Variants in TSPEAR observed in about 807,000 individuals in gnomAD.
The protein encoded by TSPEAR is thrombospondin type laminin G domain and EAR repeats.
TSPEAR carries 69 observed loss-of-function variants against 71.6 expected under a neutral mutation model. That is an observed-to-expected ratio of 0.96 (90% confidence interval 0.79 to 1.18). The LOEUF is 1.18. Among genes scored for constraint, TSPEAR ranks in the 50% most tolerant of loss-of-function variants. TSPEAR has a pLI of 0.00. For missense variants in TSPEAR, 971 were observed against 894.9 expected (o/e 1.09, Z -1.09); for synonymous variants, 402 against 387.2 (o/e 1.04, Z -0.45).
chr21:44,648,557 T>TA (rs1259299793), intron 1 of TSPEAR, among the ~76,000 whole-genome samples: 22 of 151,818 alleles, frequency 1.4e-4, no homozygotes, highest in Non-Finnish European at 1.9e-4. Flanking sequence ...CACAAACAGT[T>TA]AAAAAAAGAG....
chr21:44,618,192 T>C (rs1387680560), intron 1 of TSPEAR, among the ~76,000 whole-genome samples: 4 of 152,148 alleles, frequency 2.6e-5, no homozygotes, highest in African/African-American at 9.7e-5. Flanking sequence ...CCCCATGCTG[T>C]TGTAGTGATA....
At chr21:44,653,857 C>T (rs955145942) in intron 1 of TSPEAR, among the ~76,000 whole-genome samples, 7 of 152,332 alleles carry the variant, frequency 4.6e-5, no homozygotes, top group East Asian at 3.9e-4. Flanking sequence ...GTTGAGAGGC[C>T]GCTCACCAGG....
intron 11 of TSPEAR, among the ~76,000 whole-genome samples, chr21:44,503,174 T>TG (rs2052081974): frequency 2.8e-5 from 1 of 35,312 alleles, no homozygotes; most frequent in Non-Finnish European, 5.5e-5. Flanking sequence ...AGCCCTTGGG[T>TG]GGAAGCCGGC....
chr21:44,555,334 A>T (rs2053507856), intron 2 of TSPEAR, among the ~76,000 whole-genome samples: 1 of 152,188 alleles, frequency 6.6e-6, no homozygotes, highest in South Asian at 2.1e-4. Flanking sequence ...CCCAGGTCCG[A>T]CGGCTGCCGG....
intron 1 of TSPEAR, chr21:44,702,257 A>G (rs1320243805): frequency 6.2e-7 from 1 of 1,605,488 alleles, no homozygotes; most frequent in Non-Finnish European, 8.5e-7. Context: ...CAGGTGGACG[A>G]CTGCCCGGAG....
intron 1 of TSPEAR, chr21:44,579,947 G>T: frequency 6.2e-7 from 1 of 1,614,140 alleles, no homozygotes; most frequent in Non-Finnish European, 8.5e-7. Context: ...GCAGGAGGTG[G>T]TGCAGCAAGC....
rs933577972 is a variant in TSPEAR at position 44,549,169 on chromosome 21, G to T, written c.304-15246C>A. On this transcript the variant is annotated intron_variant, in intron 2 of 11. Transcript: ENST00000323084. The stretch of plus-strand genomic sequence containing the variant: ...GATTGGCTAAACATTTAGGGGAAGG[G>T]GTCGTCTGCGGCGAGCTAGAGAGTC... Among the ~76,000 whole-genome samples the T allele has an allele frequency of 5.3e-5, 8 of 152,286 alleles. No individual in the cohort carries two copies. In the South Asian group the frequency reaches 1.7e-3, roughly 32 times the overall value.
At chr21:44,608,998 T>A (rs587668878) in intron 1 of TSPEAR, among the ~76,000 whole-genome samples, 1 of 152,258 alleles carries the variant, frequency 6.6e-6, no homozygotes, top group African/African-American at 2.4e-5. Context: ...AATGGACAAA[T>A]AACACGTTGT....
chr21:44,503,764 G>A (rs587600858), intron 11 of TSPEAR, among the ~76,000 whole-genome samples: 23 of 128,508 alleles, frequency 1.8e-4, no homozygotes, highest in African/African-American at 6.1e-4. Context: ...GTGAGCCCTC[G>A]GGGGGAAGCA....
chr21:44,512,724 C>T (rs1264763085), intron 9 of TSPEAR, among the ~76,000 whole-genome samples: 1 of 152,016 alleles, frequency 6.6e-6, no homozygotes, highest in Non-Finnish European at 1.5e-5. Context: ...CTTTGAGTTG[C>T]ATCTTGGTTG....
intron 1 of TSPEAR, among the ~76,000 whole-genome samples, chr21:44,652,000 T>C (rs901992351): frequency 2.5e-4 from 34 of 135,322 alleles, no homozygotes; most frequent in African/African-American, 9.3e-4. Context: ...TTTTTTTTTT[T>C]TGAAACGGAG....
chr21:44,563,577 G>A (rs1483486345), intron 2 of TSPEAR, among the ~76,000 whole-genome samples: 1 of 130,874 alleles, frequency 7.6e-6, no homozygotes, highest in Non-Finnish European at 1.8e-5. Flanking sequence ...AGAATATAAG[G>A]ACAGTGGTGA....
chr21:44,527,240 CG>C (rs1334540941), intron 7 of TSPEAR, 51 bp downstream of exon 7: 2 of 1,601,898 alleles, frequency 1.2e-6, no homozygotes, highest in Non-Finnish European at 1.7e-6. Context: ...CCTGTGGACT[CG>C]GGGCTTTCCA....
chr21:44,599,039 T>G (rs1555927963), intron 1 of TSPEAR, among the ~76,000 whole-genome samples: 1 of 152,160 alleles, frequency 6.6e-6, no homozygotes, highest in African/African-American at 2.4e-5. Flanking sequence ...AGGAATCATT[T>G]TTAAAACATT....
In TSPEAR at chr21:44,593,590, C is replaced by T. The variant is rs1980147454; in HGVS notation, c.83-25585G>A. On this transcript the variant is annotated intron_variant, in intron 1 of 11. Transcript: ENST00000323084. This position sits in a 1 kb window ranked among gnomAD's most constrained non-coding sequence, Gnocchi z 5.9. ...TGACAGGAAGGGAGGTCAGACACGCCTCGTTACACCCCCTCCCTTTAGGGT... is the reference window on the plus strand; with the variant it reads ...TGACAGGAAGGGAGGTCAGACACGCTTCGTTACACCCCCTCCCTTTAGGGT... Among the ~76,000 whole-genome samples the T allele has an allele frequency of 6.6e-6, 1 of 152,160 alleles. No individual in the cohort carries two copies. Among genetic ancestry groups the T allele is most frequent in the Non-Finnish European group, 1.5e-5 (1 of 68,034 alleles).
rs201656271 is a variant in TSPEAR, at chr21:44,529,778, C to A, written c.790+20G>T. The A allele has an allele frequency of 6.2e-7, 1 of 1,612,882 alleles. No homozygotes were observed. The highest frequency in any genetic ancestry group is 8.5e-7 in the Non-Finnish European group (1 of 1,179,598). On this transcript the variant is annotated intron_variant, in intron 5 of 11. Coordinates refer to ENST00000323084, the MANE Select transcript of TSPEAR (RefSeq NM_144991.3). ...CTCGCATCTGCCTTTGGTGTGGGGG[C>A]GGGTGGCCCCCCTACTAACCATAGG...
At chr21:44,531,205 G>A in intron 3 of TSPEAR, 72 bp from the exon 4 acceptor site, 1 of 1,248,126 alleles carries the variant, frequency 8.0e-7, no homozygotes, top group East Asian at 2.4e-5. Flanking sequence ...GAAGGAACAG[G>A]AACAAGCCCC....
chr21:44,703,010 A>AG (rs1318787786), intron 1 of TSPEAR, among the ~76,000 whole-genome samples: 8 of 152,148 alleles, frequency 5.3e-5, no homozygotes, highest in African/African-American at 1.7e-4. Flanking sequence ...CTATTATTGA[A>AG]GGGCCCCGGG....
rs147092661 is a variant in TSPEAR, at chr21:44,576,234, C to T, written c.83-8229G>A. The stretch of plus-strand genomic sequence containing the variant: ...GGACAGACCCAGAGCACTGGCCACA[C>T]GGAGTCACAGTCCCGGAGTGGAAGG... On this transcript the variant is annotated intron_variant, in intron 1 of 11. Transcript: ENST00000323084. 5.0e-3 allele frequency among the ~76,000 whole-genome samples: 762 copies of T among 152,294 alleles called. 23 individuals are homozygous for T. Among genetic ancestry groups the T allele is most frequent in the Admixed American group, 0.044 (676 of 15,294 alleles).
Sources: allele counts gnomAD v4.1 joint callset (sites outside exome capture counted in the v4.1 genomes callset), GRCh38; gene constraint gnomAD v4.1.1; non-coding constraint Gnocchi (gnomAD v3.1); transcripts MANE v1.5; gene names NCBI Gene and HGNC (gene_info 2026-07-23, HGNC 2026-07-21).